PTPRD: variants seen among roughly 807,000 people sequenced by gnomAD.
The protein encoded by PTPRD is protein tyrosine phosphatase receptor type D.
A neutral mutation model predicts 214.5 loss-of-function variants in PTPRD; 34 were observed. The observed-to-expected ratio is 0.16, with a 90% CI of 0.12 to 0.21. The LOEUF (loss-of-function observed/expected upper bound fraction) is 0.21. Among genes scored for constraint, PTPRD ranks in the 10% least tolerant of loss-of-function variants. The pLI is 1.00. For synonymous variants in PTPRD, 1,128 were observed against 845.7 expected, an observed-to-expected ratio of 1.33 and a Z score of -5.79; for missense variants, 2,545 against 2,398.7, an observed-to-expected ratio of 1.06 and a Z score of -1.27.
At chr9:9,649,809 T>A (rs1377011037) in intron 7 of PTPRD, among the ~76,000 whole-genome samples, 1 of 152,244 alleles carries the variant, frequency 6.6e-6, no homozygotes. Context: ...AAACTTAAGC[T>A]TTAACATTTA....
rs73425437 is a variant in PTPRD at position 8,632,369 on chromosome 9, T to C, written c.352+948A>G. Among the ~76,000 whole-genome samples, 406 of 152,034 alleles carry C rather than the reference T, an allele frequency of 2.7e-3. 3 individuals carry two copies. The highest frequency in any genetic ancestry group is 9.4e-3 in the African/African-American group (390 of 41,500). ...TAAAAAAAATGAAATAGTAGAGAAA[T>C]GTACTTAATCTACATAAGTTCCTCT... On this transcript the variant is annotated intron_variant, in intron 14 of 45. Transcript: ENST00000381196.
intron 11 of PTPRD, among the ~76,000 whole-genome samples, chr9:8,749,344 T>C (rs997983588): frequency 6.6e-6 from 1 of 152,102 alleles, no homozygotes; most frequent in East Asian, 1.9e-4. Context: ...GGTACCACCA[T>C]GCCCAGCTAA....
intron 3 of PTPRD, among the ~76,000 whole-genome samples, chr9:10,250,199 G>A (rs779791741): frequency 1.3e-5 from 2 of 152,126 alleles, no homozygotes; most frequent in Non-Finnish European, 2.9e-5. Context: ...GGCGGGAAAT[G>A]AAGAATCTGA....
At chr9:9,058,597 C>G (rs1456258522) in intron 10 of PTPRD, among the ~76,000 whole-genome samples, 2 of 150,612 alleles carry the variant, frequency 1.3e-5, no homozygotes, top group Middle Eastern at 3.2e-3. Context: ...CTACAGGCTC[C>G]CGCCACCTCG....
chr9:10,111,896 T>A (rs2098694491), intron 3 of PTPRD, among the ~76,000 whole-genome samples: 1 of 152,182 alleles, frequency 6.6e-6, no homozygotes, highest in African/African-American at 2.4e-5. Context: ...ATAAAGACAA[T>A]GGTACACTAA....
chr9:9,238,578 C>T lies in PTPRD; in HGVS notation c.-202-55215G>A, dbSNP rs138479544. Among the ~76,000 whole-genome samples, 359 of 152,184 alleles carry T rather than the reference C, an allele frequency of 2.4e-3. 2 individuals carry two copies. Among genetic ancestry groups the T allele is most frequent in the Non-Finnish European group, 3.2e-3 (221 of 68,014 alleles). ...GAGTCAAAGTCTTGACTGGAGGACA[C>T]AGTTCAGGCACTTAAGAGCTAGTAG... On this transcript the variant is annotated intron_variant, in intron 9 of 45. Coordinates refer to ENST00000381196, the MANE Select transcript of PTPRD (RefSeq NM_002839.4).
intron 2 of PTPRD, among the ~76,000 whole-genome samples, chr9:10,435,534 A>G (rs868448182): frequency 6.6e-6 from 1 of 151,840 alleles, no homozygotes; most frequent in Non-Finnish European, 1.5e-5. Context: ...TCCTGGATCA[A>G]TGTGCTCATC....
chr9:9,096,658 C>A (rs753207060), intron 10 of PTPRD, among the ~76,000 whole-genome samples: 2 of 152,082 alleles, frequency 1.3e-5, no homozygotes, highest in Non-Finnish European at 2.9e-5. Flanking sequence ...CTCATATATC[C>A]TTTACCCAGA....
chr9:9,747,444 C>T (rs984804043), intron 6 of PTPRD, among the ~76,000 whole-genome samples: 30 of 151,876 alleles, frequency 2.0e-4, no homozygotes, highest in Admixed American at 7.2e-4. Context: ...AATCCACATT[C>T]GTTACAAAAC....
chr9:10,013,678 C>T (rs920229973), intron 4 of PTPRD, among the ~76,000 whole-genome samples: 7 of 151,882 alleles, frequency 4.6e-5, no homozygotes, highest in Non-Finnish European at 8.8e-5. Context: ...GGATGAAATA[C>T]TTCACTGAGT....
chr9:8,325,776 T>C (rs1179049884), intron 44 of PTPRD, among the ~76,000 whole-genome samples: 2 of 148,876 alleles, frequency 1.3e-5, no homozygotes, highest in African/African-American at 5.1e-5. Context: ...TTTGTAGTTC[T>C]CCTTGAAGAG....
chr9:8,724,730 C>G (rs968107407), intron 12 of PTPRD, among the ~76,000 whole-genome samples: 1 of 151,768 alleles, frequency 6.6e-6, no homozygotes, highest in African/African-American at 2.4e-5. Flanking sequence ...GCCCAGGATT[C>G]TGAGACCAGC....
chr9:9,004,217 T>C (rs1435531572), intron 11 of PTPRD, among the ~76,000 whole-genome samples: 5 of 152,088 alleles, frequency 3.3e-5, no homozygotes, highest in Non-Finnish European at 7.4e-5. Flanking sequence ...ATCTGTAATT[T>C]AGGAAGCATC....
Position 10,394,914 on chromosome 9 carries a change from A to G in PTPRD, c.-599-53897T>C, listed in dbSNP as rs1302432110. Among the ~76,000 whole-genome samples, 6 of 148,804 alleles carry G rather than the reference A, an allele frequency of 4.0e-5. No homozygotes were observed. In the East Asian group the frequency reaches 1.2e-3, roughly 30 times the overall value. On this transcript the variant is annotated intron_variant, in intron 2 of 45. Coordinates refer to ENST00000381196, the MANE Select transcript of PTPRD (RefSeq NM_002839.4). ...GCTGATGAATGTGGATTTAATATGCATTTACTGAATCAACTTATGTGTTGC... is the reference window on the plus strand; with the variant it reads ...GCTGATGAATGTGGATTTAATATGCGTTTACTGAATCAACTTATGTGTTGC...
intron 11 of PTPRD, among the ~76,000 whole-genome samples, chr9:8,985,974 A>G (rs1350600432): frequency 1.3e-5 from 2 of 151,990 alleles, no homozygotes; most frequent in African/African-American, 4.8e-5. Flanking sequence ...CTTTCAATCT[A>G]CTGTGTTCAT....
intron 8 of PTPRD, among the ~76,000 whole-genome samples, chr9:9,566,464 C>A (rs1018517624): frequency 6.6e-6 from 1 of 151,798 alleles, no homozygotes; most frequent in Non-Finnish European, 1.5e-5. Flanking sequence ...TAAACTTGTG[C>A]GAGAGCTTAT....
intron 3 of PTPRD, among the ~76,000 whole-genome samples, chr9:10,289,690 A>G (rs1450187391): frequency 6.6e-6 from 1 of 152,232 alleles, no homozygotes; most frequent in African/African-American, 2.4e-5. Flanking sequence ...CATTGTAAAC[A>G]AAGGGCTAAA....
intron 14 of PTPRD, among the ~76,000 whole-genome samples, chr9:8,591,664 A>G (rs1289690198): frequency 6.6e-6 from 1 of 152,318 alleles, no homozygotes; most frequent in South Asian, 2.1e-4. Context: ...GGACACGTCT[A>G]GTTGGCTAAA....
intron 9 of PTPRD, among the ~76,000 whole-genome samples, chr9:9,299,013 C>G (rs1246387123): frequency 6.6e-6 from 1 of 151,662 alleles, no homozygotes; most frequent in African/African-American, 2.4e-5. Context: ...TCTTTGCCAA[C>G]TTCATTATTA....
Sources: allele counts gnomAD v4.1 joint callset (sites outside exome capture counted in the v4.1 genomes callset), GRCh38; gene constraint gnomAD v4.1.1; transcripts MANE v1.5; gene names NCBI Gene and HGNC (gene_info 2026-07-23, HGNC 2026-07-21).